The following CRTC1 variants were observed in gnomAD, a reference collection of about 807,000 sequenced individuals.
CRTC1 encodes the protein CREB regulated transcription coactivator 1.
CRTC1 carries 18 observed loss-of-function variants against 66.1 expected under a neutral mutation model. The ratio of observed to expected loss-of-function variants is 0.27; its 90% CI spans 0.19 to 0.40. CRTC1 has a LOEUF of 0.40. Ranked by LOEUF, CRTC1 falls within the 10% of genes least tolerant of loss-of-function variation. CRTC1 has a pLI of 1.00. For missense variants in CRTC1, 669 were observed against 887.9 expected (o/e 0.75, Z 3.13); for synonymous variants, 416 against 398.8 (o/e 1.04, Z -0.51).
At chr19:18,759,515 G>T (rs1180660185) in intron 6 of CRTC1, 36 bp from the exon 7 acceptor site, 7 of 1,606,778 alleles carry the variant, frequency 4.4e-6, no homozygotes, top group East Asian at 4.5e-5. Flanking sequence ...CACAGGGTGT[G>T]CCCCAGGGCT....
chr19:18,710,978 C>T (rs1210255654), intron 1 of CRTC1, among the ~76,000 whole-genome samples: 1 of 152,222 alleles, frequency 6.6e-6, no homozygotes, highest in Non-Finnish European at 1.5e-5. Context: ...TTTCTTCACC[C>T]TGTCCCACCC....
At chr19:18,744,291 C>T (rs1325801800) in intron 2 of CRTC1, 21 of 760,880 alleles carry the variant, frequency 2.8e-5, no homozygotes, top group East Asian at 5.5e-5. Flanking sequence ...GGAGGTGTCC[C>T]GTCCGCCAAA....
At position 18,760,639 on chromosome 19, in the gene CRTC1, C is replaced by T. The variant is rs888665926; in HGVS notation, c.886+411C>T. 3.9e-5 allele frequency among the ~76,000 whole-genome samples: 6 copies of T among 151,986 alleles called. No individual in the cohort carries two copies. Among genetic ancestry groups the T allele is most frequent in the African/African-American group, 1.5e-4 (6 of 41,356 alleles). ...CATCTGACAGTGACCACCTACTTGT[C>T]ACATCCCAGCACCACCACCCCCACC... is the stretch of plus-strand genomic sequence containing the variant. On this transcript the variant is annotated intron_variant, in intron 8 of 13. Coordinates refer to ENST00000321949, the MANE Select transcript of CRTC1 (RefSeq NM_015321.3). The surrounding 1 kb of genome is among the most constrained non-coding windows in gnomAD (Gnocchi z 6.2).
chr19:18,777,356 G>A lies in CRTC1; in HGVS notation c.1879G>A (p.Asp627Asn). The A allele has an allele frequency of 1.9e-6, 3 of 1,605,496 alleles. No homozygotes were observed. The highest frequency in any genetic ancestry group is 2.5e-6 in the Non-Finnish European group (3 of 1,179,898). The change falls in exon 14 of 14, where the codon GAC becomes AAC. Residue 627 changes from aspartate to asparagine, a missense_variant. Asp to Asn is a conservative substitution (Grantham distance 23, BLOSUM62 1). Around this residue, in one of 8 missense-constraint regions of CRTC1, gnomAD observed 91 missense variants for 99.1 expected, o/e 0.92. Transcript: ENST00000321949. The surrounding 1 kb of genome is among the most constrained non-coding windows in gnomAD (Gnocchi z 5.5). ...GGTTCTGGCCGACCCAGCCACCGAG[G>A]ACACCTTCCGGATGGACCGCCTGTG... ...DMVLADPATE[D>N]TFRMDRL
At chr19:18,709,664 C>T (rs1339030382) in intron 1 of CRTC1, among the ~76,000 whole-genome samples, 5 of 152,136 alleles carry the variant, frequency 3.3e-5, no homozygotes, top group Non-Finnish European at 7.4e-5. Context: ...CGGCAGTGCA[C>T]CTAGGACTCC....
intron 1 of CRTC1, among the ~76,000 whole-genome samples, chr19:18,717,866 C>T (rs1202670698): frequency 1.3e-5 from 2 of 151,910 alleles, no homozygotes; most frequent in Non-Finnish European, 2.9e-5. Flanking sequence ...AAGCAGAGGG[C>T]CCCTGGGGAG....
intron 1 of CRTC1, among the ~76,000 whole-genome samples, chr19:18,696,839 G>A (rs1294146322): frequency 8.7e-6 from 1 of 114,646 alleles, no homozygotes; most frequent in Non-Finnish European, 1.7e-5. Flanking sequence ...AAGACTCGGG[G>A]CATTTAGGAG....
chr19:18,745,511 T>C (rs546967579), intron 2 of CRTC1, among the ~76,000 whole-genome samples: 2 of 152,264 alleles, frequency 1.3e-5, no homozygotes, highest in South Asian at 4.1e-4. Context: ...GCCGGCTACA[T>C]CCCTGGCACC....
At chr19:18,697,947 C>G (rs2053032364) in intron 1 of CRTC1, among the ~76,000 whole-genome samples, 1 of 151,804 alleles carries the variant, frequency 6.6e-6, no homozygotes, top group African/African-American at 2.4e-5. Context: ...TCAGCAGGCA[C>G]ACAGTGTGTA....
At chr19:18,701,928 T>G (rs1207634334) in intron 1 of CRTC1, among the ~76,000 whole-genome samples, 4 of 148,878 alleles carry the variant, frequency 2.7e-5, no homozygotes, top group South Asian at 2.1e-4. Context: ...TTTTGTTTTT[T>G]TTTTTTTTTT....
rs984421301 is a variant in CRTC1, at chr19:18,708,844, GC to G, written c.126+25020del. ...AGAAGCAGGAGGACCCTGGTTTCCTGCCCCTACTCAGCCACCCTGCCCACGC... is the reference window on the plus strand; with the variant it reads ...AGAAGCAGGAGGACCCTGGTTTCCTGCCCTACTCAGCCACCCTGCCCACGC... On this transcript the variant is annotated intron_variant, in intron 1 of 13. Transcript: ENST00000321949. 1.1e-4 allele frequency among the ~76,000 whole-genome samples: 17 copies of G among 152,264 alleles called. 1 individual carries two copies. The highest frequency in any genetic ancestry group is 4.1e-4 in the African/African-American group (17 of 41,564).
intron 1 of CRTC1, among the ~76,000 whole-genome samples, chr19:18,710,103 G>A (rs974025288): frequency 1.3e-5 from 2 of 150,738 alleles, no homozygotes; most frequent in Admixed American, 6.7e-5. Context: ...TTGTGCTCAC[G>A]GGGCCTCCTG....
chr19:18,722,485 G>A (rs1157574824), intron 1 of CRTC1, among the ~76,000 whole-genome samples: 1 of 152,200 alleles, frequency 6.6e-6, no homozygotes, highest in Non-Finnish European at 1.5e-5. Context: ...TCCCATGACT[G>A]GTGTCCTTAT....
intron 1 of CRTC1, among the ~76,000 whole-genome samples, chr19:18,704,879 A>C: frequency 6.6e-6 from 1 of 151,568 alleles, no homozygotes; most frequent in South Asian, 2.1e-4. Context: ...CTCTGTCCCC[A>C]TTAAACACTC....
intron 1 of CRTC1, among the ~76,000 whole-genome samples, chr19:18,729,070 C>T (rs1017906278): frequency 6.0e-5 from 9 of 149,816 alleles, no homozygotes; most frequent in African/African-American, 2.2e-4. Flanking sequence ...CCCTTGGCCT[C>T]CCAAAGTGCT....
intron 11 of CRTC1, among the ~76,000 whole-genome samples, chr19:18,773,605 C>G (rs190573173): frequency 3.0e-4 from 45 of 152,316 alleles, no homozygotes; most frequent in Admixed American, 1.2e-3. Flanking sequence ...TGCCTGCCTG[C>G]CTCCCTCGCC....
rs1362250853 is a variant in CRTC1, at chr19:18,777,777, T to C, written c.*395T>C. The C allele has an allele frequency of 3.2e-6, 1 of 317,116 alleles. No homozygotes were observed. Among genetic ancestry groups the C allele is most frequent in the Non-Finnish European group, 5.9e-6 (1 of 170,290 alleles). 19.6% of individuals were successfully genotyped at this position (317,116 alleles called of 1,614,324 possible). A position where few individuals can be genotyped will look rare whatever the true frequency, so the allele number is the denominator to read the frequency against. On this transcript the variant is annotated 3_prime_UTR_variant, in exon 14 of 14. Coordinates refer to ENST00000321949, the MANE Select transcript of CRTC1 (RefSeq NM_015321.3). This position sits in a 1 kb window ranked among gnomAD's most constrained non-coding sequence, Gnocchi z 5.5. ...CATGGTCCGCCAGGGCTGTGGGCCG[T>C]GGCGCATTTTCCGACTGTTTGTCCA...
intron 1 of CRTC1, among the ~76,000 whole-genome samples, chr19:18,722,050 G>A (rs2053640870): frequency 6.6e-6 from 1 of 152,308 alleles, no homozygotes; most frequent in African/African-American, 2.4e-5. Context: ...GCCGGAGTCT[G>A]CCCTGAGTCA....
intron 1 of CRTC1, among the ~76,000 whole-genome samples, chr19:18,723,789 A>T (rs1053362326): frequency 1.3e-5 from 2 of 152,218 alleles, no homozygotes; most frequent in African/African-American, 4.8e-5. Flanking sequence ...CTGCAGGGAC[A>T]CTGGTCTCAG....
Sources: gnomAD v4.1 joint callset for allele counts (sites outside exome capture counted in the v4.1 genomes callset) on GRCh38, gnomAD v4.1.1 for gene constraint, gnomAD v4.1.1 regional missense constraint, Gnocchi (gnomAD v3.1) non-coding constraint, MANE v1.5 for transcripts, NCBI Gene and HGNC (gene_info 2026-07-23, HGNC 2026-07-21) for gene names.